The following RNF125 variants were observed in gnomAD, a reference collection of about 807,000 sequenced individuals.
RNF125 encodes E3 ubiquitin-protein ligase RNF125.
In RNF125, 21 loss-of-function variants were observed where a neutral mutation model predicts 26.0. The ratio of observed to expected loss-of-function variants is 0.81; its 90% CI spans 0.57 to 1.16. The LOEUF (loss-of-function observed/expected upper bound fraction) is 1.16, where lower values mean the gene tolerates loss of function less well. Among genes scored for constraint, RNF125 ranks in the 50% most tolerant of loss-of-function variants. The probability of loss-of-function intolerance (pLI) is 0.00; values close to 1 mark genes in which losing one functional copy is unlikely to be tolerated. For synonymous variants in RNF125, 95 were observed against 109.2 expected, an observed-to-expected ratio of 0.87 and a Z score of 0.81; for missense variants, 270 against 299.4, an observed-to-expected ratio of 0.90 and a Z score of 0.72.
At chr18:32,026,079 T>TG (rs2039031853) in intron 1 of RNF125, among the ~76,000 whole-genome samples, 1 of 150,874 alleles carries the variant, frequency 6.6e-6, no homozygotes, top group Non-Finnish European at 1.5e-5. Flanking sequence ...TTTTTTTTTT[T>TG]TTTGAGATGG....
chr18:32,018,888 A>G lies in RNF125; in HGVS notation c.25A>G (p.Ser9Gly), dbSNP rs1419093069. 4.4e-6 allele frequency: 7 copies of G among 1,594,864 alleles called. No homozygotes were observed. Among genetic ancestry groups the G allele is most frequent in the African/African-American group, 4.0e-5 (3 of 74,460 alleles). The change falls in exon 1 of 6, where the codon AGC becomes GGC. Residue 9 changes from serine to glycine, a missense_variant. Transcript: ENST00000217740. MGSVLSTD[S>G]GKSAPASATA... ...GATGGGCTCCGTGCTGAGCACCGAC[A>G]GCGGCAAATCGGCGCCCGCCTCTGC...
intron 3 of RNF125, among the ~76,000 whole-genome samples, chr18:32,043,470 C>T (rs915618880): frequency 3.9e-5 from 6 of 152,140 alleles, no homozygotes; most frequent in African/African-American, 1.4e-4. Flanking sequence ...TACTAGAGAT[C>T]GCCTTGCAAA....
intron 4 of RNF125, among the ~76,000 whole-genome samples, chr18:32,058,234 G>T (rs1353288873): frequency 6.6e-6 from 1 of 151,962 alleles, no homozygotes; most frequent in Admixed American, 6.6e-5. Context: ...ATATTTATGG[G>T]GCACATGAAA....
intron 1 of RNF125, among the ~76,000 whole-genome samples, chr18:32,033,761 G>C (rs993242396): frequency 6.6e-6 from 1 of 152,014 alleles, no homozygotes; most frequent in Non-Finnish European, 1.5e-5. Flanking sequence ...GGAGGTCGCG[G>C]TGAGTCAAGA....
chr18:32,028,297 TAAAAAAAAAAAAAAAA>T (rs1156859954), intron 1 of RNF125, among the ~76,000 whole-genome samples: 2 of 72,382 alleles, frequency 2.8e-5, no homozygotes, highest in South Asian at 1.0e-3. Context: ...GACTCCGTCT[TAAAAAAAAAAAAAAAA>T]AAAAAAAAAA....
At chr18:32,042,478 G>T (rs2039231054) in intron 3 of RNF125, among the ~76,000 whole-genome samples, 1 of 152,122 alleles carries the variant, frequency 6.6e-6, no homozygotes, top group African/African-American at 2.4e-5. Flanking sequence ...ATTTCCAGGG[G>T]TAACCAACCA....
intron 4 of RNF125, among the ~76,000 whole-genome samples, chr18:32,055,131 T>A (rs370445944): frequency 6.6e-6 from 1 of 151,502 alleles, no homozygotes; most frequent in Non-Finnish European, 1.5e-5. Context: ...ACCCTGTCTC[T>A]ACAACAACAA....
rs543224047 is a variant in RNF125 at position 32,065,458 on chromosome 18, G to T, written c.505-444G>T. The stretch of plus-strand genomic sequence containing the variant: ...TCACCATCTTGGCCTGGCTGGTCTT[G>T]AACTCCTGACCTCGTGATCCACCCG... On this transcript the variant is annotated intron_variant, in intron 4 of 5. Coordinates refer to ENST00000217740, the MANE Select transcript of RNF125 (RefSeq NM_017831.4). 6.6e-5 allele frequency among the ~76,000 whole-genome samples: 10 copies of T among 151,686 alleles called. No homozygotes were observed. The South Asian group carries it at 2.1e-3, about 32-fold the overall frequency.
intron 5 of RNF125, 94 bp from the exon 6 acceptor site, chr18:32,068,204 C>A: frequency 1.5e-6 from 1 of 663,136 alleles, no homozygotes; most frequent in Non-Finnish European, 2.6e-6. Flanking sequence ...AACTTTAGTT[C>A]CCTACAAAAT....
intron 2 of RNF125, among the ~76,000 whole-genome samples, chr18:32,039,447 G>T (rs779388191): frequency 6.6e-6 from 1 of 151,744 alleles, no homozygotes; most frequent in African/African-American, 2.4e-5. Flanking sequence ...GTTAGAGGGT[G>T]GTTTTAAAGG....
chr18:32,082,982 A>T, the RNF125 span, among the ~76,000 whole-genome samples: 13 of 152,342 alleles, frequency 8.5e-5, no homozygotes, highest in African/African-American at 2.9e-4. Flanking sequence ...AGGCAATATC[A>T]GAGAAGCTAG....
chr18:32,086,970 G>C, the RNF125 span, among the ~76,000 whole-genome samples: 1 of 152,058 alleles, frequency 6.6e-6, no homozygotes, highest in Admixed American at 6.6e-5. Flanking sequence ...GATCATCAAA[G>C]AAAAGTGCTT....
Position 32,020,908 on chromosome 18 carries a change from C to CA in RNF125, c.164+1889dup, listed in dbSNP as rs569284662. ...CGGGCAACAGAGCAAAACTCAGTCT[C>CA]AAAAAAAAGAAAGAAAAAAAAGAAA... On this transcript the variant is annotated intron_variant, in intron 1 of 5. Coordinates refer to ENST00000217740, the MANE Select transcript of RNF125 (RefSeq NM_017831.4). 2.6e-3 allele frequency among the ~76,000 whole-genome samples: 386 copies of CA among 149,620 alleles called. 2 individuals are homozygous for CA. Among genetic ancestry groups the CA allele is most frequent in the Admixed American group, 4.5e-3 (68 of 15,052 alleles).
chr18:32,027,169 A>C (rs2039044709), intron 1 of RNF125, among the ~76,000 whole-genome samples: 1 of 151,672 alleles, frequency 6.6e-6, no homozygotes, highest in South Asian at 2.1e-4. Flanking sequence ...AAGGGAATTG[A>C]ATCCAGGCTG....
chr18:32,044,803 T>C (rs2039252545), intron 3 of RNF125, among the ~76,000 whole-genome samples: 2 of 152,198 alleles, frequency 1.3e-5, no homozygotes, highest in South Asian at 2.1e-4. Flanking sequence ...CAGCCTATAT[T>C]GTTAATTTCC....
intron 3 of RNF125, 68 bp from the exon 4 acceptor site, chr18:32,045,573 GA>G (rs201714997): frequency 0.022 from 20,427 of 916,106 alleles, 248 homozygotes; most frequent in Non-Finnish European, 0.027. Context: ...AAAAAAAAAA[GA>G]AAAAAAAAGT....
chr18:32,065,978 T>C lies in RNF125; in HGVS notation c.581T>C (p.Val194Ala). 6.2e-7 allele frequency: 1 copy of C among 1,610,136 alleles called. No homozygotes were observed. Residue 194 changes from valine to alanine, a missense_variant, in exon 5 of 6, where the codon GTT becomes GCT. By Grantham distance (64) the Val-to-Ala change is moderately conservative. Transcript: ENST00000217740. ...GGCAGTTTAATAAGACATCTGCAAG[T>C]TAGTCACACTTTGTTTTATGATGAT... ...FSGSLIRHLQVSHTLFYDDFI... is the reference protein window; with the variant it reads ...FSGSLIRHLQASHTLFYDDFI...
intron 4 of RNF125, among the ~76,000 whole-genome samples, chr18:32,060,071 GT>G (rs1163957083): frequency 2.6e-5 from 4 of 152,124 alleles, no homozygotes; most frequent in Non-Finnish European, 5.9e-5. Context: ...AATGATTTTG[GT>G]TATTTTTGGC....
the RNF125 span, among the ~76,000 whole-genome samples, chr18:32,082,638 G>A: frequency 6.6e-6 from 1 of 152,172 alleles, no homozygotes; most frequent in African/African-American, 2.4e-5. Flanking sequence ...ATGTGTGTAG[G>A]CCAGCCTTGG....
Sources: allele counts gnomAD v4.1 joint callset (sites outside exome capture counted in the v4.1 genomes callset), GRCh38; gene constraint gnomAD v4.1.1; transcripts MANE v1.5; gene names NCBI Gene and HGNC (gene_info 2026-07-23, HGNC 2026-07-21).